TRIM9: variants seen among roughly 807,000 people sequenced by gnomAD.
The protein encoded by TRIM9 is tripartite motif containing 9.
A neutral mutation model predicts 78.3 loss-of-function variants in TRIM9; 26 were observed. That is an observed-to-expected ratio of 0.33 (90% CI 0.24 to 0.46). The LOEUF (loss-of-function observed/expected upper bound fraction) is 0.46, where lower values mean the gene tolerates loss of function less well. TRIM9 is among the 20% of genes least tolerant of loss of function. The pLI is 1.00. For missense variants in TRIM9, 787 were observed against 1,036.4 expected (o/e 0.76, Z 3.30); for synonymous variants, 398 against 416.5 (o/e 0.96, Z 0.54).
At chr14:51,060,184 C>T (rs922250989) in intron 1 of TRIM9, among the ~76,000 whole-genome samples, 1 of 152,106 alleles carries the variant, frequency 6.6e-6, no homozygotes, top group African/African-American at 2.4e-5. Flanking sequence ...ACAGCATTTT[C>T]GTCATATTAT....
chr14:51,046,639 G>T (rs2059973941), intron 1 of TRIM9, among the ~76,000 whole-genome samples: 1 of 152,140 alleles, frequency 6.6e-6, no homozygotes, highest in Non-Finnish European at 1.5e-5. Context: ...AAAATAAGGT[G>T]AATTTCATTA....
chr14:50,976,874 T>C lies in TRIM9; in HGVS notation c.*417A>G, dbSNP rs1287985816. 1 of 154,124 alleles carries C rather than the reference T, an allele frequency of 6.5e-6. No individual in the cohort carries two copies. The highest frequency in any genetic ancestry group is 1.4e-5 in the Non-Finnish European group (1 of 69,074). 9.5% of individuals were successfully genotyped at this position (154,124 alleles called of 1,614,324 possible). A position where few individuals can be genotyped will look rare whatever the true frequency, so the allele number is the denominator to read the frequency against. The stretch of plus-strand genomic sequence containing the variant: ...CCTACCTCCCCCTACAACCTCATTG[T>C]TTGACAGAAAGCTTAAGAAAAAAAG... On this transcript the variant is annotated 3_prime_UTR_variant, in exon 13 of 13. Transcript: ENST00000684578.
intron 10 of TRIM9, among the ~76,000 whole-genome samples, chr14:50,982,525 T>C (rs1046726695): frequency 2.0e-5 from 3 of 152,116 alleles, no homozygotes; most frequent in Non-Finnish European, 2.9e-5. Context: ...ATAAAACACA[T>C]GGAGTGAAAT....
At chr14:51,072,626 T>A (rs549715329) in intron 1 of TRIM9, among the ~76,000 whole-genome samples, 49 of 151,174 alleles carry the variant, frequency 3.2e-4, no homozygotes, top group African/African-American at 1.1e-3. Context: ...ACAATTACTT[T>A]CTTGAGGTTA....
At chr14:51,056,080 G>C (rs915092424) in intron 1 of TRIM9, among the ~76,000 whole-genome samples, 1 of 152,174 alleles carries the variant, frequency 6.6e-6, no homozygotes, top group Admixed American at 6.5e-5. Context: ...CTGATGTTTA[G>C]TTCACTTCTA....
chr14:51,009,185 C>G lies in TRIM9; in HGVS notation c.1201G>C (p.Gly401Arg). The change falls in exon 5 of 13, where the codon GGT becomes CGT. Residue 401 changes from glycine (G) to arginine (R), a missense_variant. Gly to Arg is a moderately radical substitution (Grantham distance 125). Around this residue, in one of 3 missense-constraint regions of TRIM9, gnomAD observed 421 missense variants for 514.3 expected, o/e 0.82. Transcript: ENST00000684578. ...RRVHLTEDQWGKGTLTPRMTT... is the reference protein window; with the variant it reads ...RRVHLTEDQWRKGTLTPRMTT... ...ATCCTTGGAGTGAGTGTGCCTTTAC[C>G]CCACTGATCCTCAGTCAGGTGCACT... The G allele has an allele frequency of 6.2e-7, 1 of 1,613,986 alleles. No individual in the cohort carries two copies. The highest frequency in any genetic ancestry group is 8.5e-7 in the Non-Finnish European group (1 of 1,179,938).
intron 2 of TRIM9, among the ~76,000 whole-genome samples, chr14:51,023,634 T>C (rs972272958): frequency 6.6e-6 from 1 of 152,220 alleles, no homozygotes; most frequent in African/African-American, 2.4e-5. Context: ...GGATATAACC[T>C]TTTTATTTGA....
intron 6 of TRIM9, 81 bp from the exon 7 acceptor site, chr14:50,998,269 G>T: frequency 7.4e-7 from 1 of 1,345,410 alleles, no homozygotes; most frequent in Non-Finnish European, 1.0e-6. Context: ...TCAGTGGTTA[G>T]GAGCAAGAGC....
At chr14:51,008,438 C>T (rs2056126044) in intron 5 of TRIM9, among the ~76,000 whole-genome samples, 1 of 152,206 alleles carries the variant, frequency 6.6e-6, no homozygotes, top group African/African-American at 2.4e-5. Context: ...GGGTATTACA[C>T]TGCCATAAAA....
At chr14:51,088,106 A>G (rs1487290518) in intron 1 of TRIM9, among the ~76,000 whole-genome samples, 7 of 152,216 alleles carry the variant, frequency 4.6e-5, no homozygotes, top group Non-Finnish European at 1.0e-4. Flanking sequence ...AACTTTTAAC[A>G]TTTGCTTTAA....
At chr14:51,032,436 G>A (rs1189129363) in intron 1 of TRIM9, among the ~76,000 whole-genome samples, 1 of 152,224 alleles carries the variant, frequency 6.6e-6, no homozygotes, top group Non-Finnish European at 1.5e-5. Flanking sequence ...TTGGCCACAG[G>A]GAACTAACTG....
At chr14:51,014,432 A>G (rs779998471) in intron 3 of TRIM9, among the ~76,000 whole-genome samples, 2 of 152,144 alleles carry the variant, frequency 1.3e-5, no homozygotes, top group Non-Finnish European at 2.9e-5. Context: ...GCTACAGTTG[A>G]TTTTGGTCCA....
intron 1 of TRIM9, among the ~76,000 whole-genome samples, chr14:51,040,293 G>T (rs970871118): frequency 6.6e-6 from 1 of 152,098 alleles, no homozygotes; most frequent in African/African-American, 2.4e-5. Flanking sequence ...ATTTGATGCT[G>T]GTGCCCCTCA....
chr14:51,075,296 T>C (rs1437201768), intron 1 of TRIM9, among the ~76,000 whole-genome samples: 1 of 152,202 alleles, frequency 6.6e-6, no homozygotes, highest in Non-Finnish European at 1.5e-5. Flanking sequence ...TCCACGTTAA[T>C]GTTCTGAAAT....
intron 1 of TRIM9, among the ~76,000 whole-genome samples, chr14:51,053,160 A>C (rs1488232492): frequency 3.2e-5 from 1 of 31,228 alleles, no homozygotes; most frequent in African/African-American, 6.5e-5. Context: ...ACCCTGTTTC[A>C]AAAAAAAAAA....
At chr14:51,014,429 T>C (rs2056924912) in intron 3 of TRIM9, among the ~76,000 whole-genome samples, 1 of 152,198 alleles carries the variant, frequency 6.6e-6, no homozygotes, top group Admixed American at 6.5e-5. Context: ...CTCGCTACAG[T>C]TGATTTTGGT....
At chr14:51,079,194 G>A (rs958196099) in intron 1 of TRIM9, among the ~76,000 whole-genome samples, 4 of 152,090 alleles carry the variant, frequency 2.6e-5, no homozygotes, top group East Asian at 1.9e-4. Flanking sequence ...CTTTGTTCTC[G>A]TAAAAGGGAG....
At chr14:51,076,523 C>G (rs569037253) in intron 1 of TRIM9, among the ~76,000 whole-genome samples, 1 of 152,322 alleles carries the variant, frequency 6.6e-6, no homozygotes, top group African/African-American at 2.4e-5. Context: ...GATACACAAT[C>G]ATAGTAAAAA....
chr14:50,997,960 G>A, intron 7 of TRIM9, 90 bp downstream of exon 7: 1 of 1,575,670 alleles, frequency 6.3e-7, no homozygotes, highest in South Asian at 1.2e-5. Flanking sequence ...CTTCAGGAAT[G>A]TGGGCAGTGG....
Sources: allele counts gnomAD v4.1 joint callset (sites outside exome capture counted in the v4.1 genomes callset), GRCh38; gene constraint gnomAD v4.1.1; regional missense constraint gnomAD v4.1.1; transcripts MANE v1.5; gene names NCBI Gene and HGNC (gene_info 2026-07-23, HGNC 2026-07-21).